The following GP9 variants were observed in gnomAD, a reference collection of about 807,000 sequenced individuals.
The protein encoded by GP9 is glycoprotein IX platelet.
For synonymous variants in GP9, 116 were observed against 116.7 expected (o/e 0.99, Z 0.04); for missense variants, 228 against 241.8 (o/e 0.94, Z 0.38).
chr3:129,061,899 C>T lies in GP9; in HGVS notation c.160C>T (p.Arg54Cys), dbSNP rs775994327. The T allele has an allele frequency of 6.8e-6, 11 of 1,613,500 alleles. No homozygotes were observed. Among genetic ancestry groups the T allele is most frequent in the East Asian group, 2.2e-5 (1 of 44,874 alleles). ...TALPALPART[R>C]HLLLANNSLQ... ...CCTGCCTGCCCTGCCGGCCCGCACC[C>T]GCCACCTTCTGCTGGCCAACAACAG... The change falls in exon 3 of 3, where the codon CGC becomes TGC. Residue 54 changes from arginine to cysteine, a missense_variant. By Grantham distance (180) the Arg-to-Cys change is radical (BLOSUM62 -3). Coordinates refer to ENST00000307395, the MANE Select transcript of GP9 (RefSeq NM_000174.5).
upstream of GP9, among the ~76,000 whole-genome samples, chr3:129,058,134 G>A (rs1451610425): frequency 6.6e-6 from 1 of 152,132 alleles, no homozygotes; most frequent in Non-Finnish European, 1.5e-5. Context: ...GAGCCACCGC[G>A]CCTGGTCTGG....
Position 129,062,188 on chromosome 3 carries a change from G to A in GP9, c.449G>A (p.Trp150Ter). Residue 150 changes from tryptophan (W) to a stop codon, truncating the protein, a stop_gained, in exon 3 of 3, where the codon TGG (tryptophan) becomes TAG (stop). Coordinates refer to ENST00000307395, the MANE Select transcript of GP9 (RefSeq NM_000174.5). LOFTEE classifies it low-confidence loss of function (END_TRUNC). ...QASWVRPGVL[W>*]DVALVAVAAL... ...TCCTGGGTGCGCCCGGGGGTCTTGTGGGACGTGGCGCTGGTCGCCGTGGCC... is the reference window on the plus strand; with the variant it reads ...TCCTGGGTGCGCCCGGGGGTCTTGTAGGACGTGGCGCTGGTCGCCGTGGCC... 6.4e-7 allele frequency: 1 copy of A among 1,572,498 alleles called. No homozygotes were observed. The highest frequency in any genetic ancestry group is 8.6e-7 in the Non-Finnish European group (1 of 1,163,450).
intron 2 of GP9, 44 bp downstream of exon 2, chr3:129,061,663 T>C (rs1406010751): frequency 8.0e-7 from 1 of 1,250,556 alleles, no homozygotes; most frequent in Non-Finnish European, 1.1e-6. Flanking sequence ...ACATCCCCAG[T>C]GCTTGCCGTC....
upstream of GP9, among the ~76,000 whole-genome samples, chr3:129,058,969 G>A (rs985317357): frequency 6.6e-6 from 1 of 152,224 alleles, no homozygotes; most frequent in African/African-American, 2.4e-5. Context: ...CCTCTCTGGA[G>A]GCTCTGGGAG....
chr3:129,061,671 G>A (rs756744791), intron 2 of GP9, 52 bp downstream of exon 2: 29 of 1,345,986 alleles, frequency 2.2e-5, no homozygotes, highest in East Asian at 9.7e-5. Context: ...AGTGCTTGCC[G>A]TCCCTGAGGA....
At chr3:129,060,037 T>C (rs1239392955), upstream of GP9, among the ~76,000 whole-genome samples, 1 of 152,216 alleles carries the variant, frequency 6.6e-6, no homozygotes, top group African/African-American at 2.4e-5. Context: ...CACTGCCACC[T>C]CTGCCTCCTG....
chr3:129,057,540 G>A (rs565800155), upstream of GP9, among the ~76,000 whole-genome samples: 1 of 152,320 alleles, frequency 6.6e-6, no homozygotes, highest in South Asian at 2.1e-4. Context: ...CAAGCTACAG[G>A]GGGGCCTGTA....
At chr3:129,058,333 C>T (rs548760438), upstream of GP9, among the ~76,000 whole-genome samples, 1 of 152,252 alleles carries the variant, frequency 6.6e-6, no homozygotes, top group South Asian at 2.1e-4. Context: ...CATTTATTTT[C>T]TCATTCTTCA....
intron 1 of GP9, among the ~76,000 whole-genome samples, chr3:129,061,081 G>A (rs1405513939): frequency 6.6e-6 from 1 of 152,192 alleles, no homozygotes; most frequent in Non-Finnish European, 1.5e-5. Context: ...CCAAACAGAG[G>A]GCCACGGTTG....
upstream of GP9, among the ~76,000 whole-genome samples, chr3:129,059,986 C>T (rs1171696418): frequency 6.6e-6 from 1 of 152,210 alleles, no homozygotes; most frequent in Non-Finnish European, 1.5e-5. Context: ...CGGAGTCTCG[C>T]TCTGTCACCC....
upstream of GP9, among the ~76,000 whole-genome samples, chr3:129,056,964 G>T (rs1485447601): frequency 6.6e-6 from 1 of 152,206 alleles, no homozygotes; most frequent in African/African-American, 2.4e-5. Context: ...CATGGAGCAG[G>T]AGTGTAGTGA....
chr3:129,056,171 G>A (rs1328460985), upstream of GP9, among the ~76,000 whole-genome samples: 1 of 152,234 alleles, frequency 6.6e-6, no homozygotes, highest in Non-Finnish European at 1.5e-5. Flanking sequence ...GAGCAAGTAA[G>A]TAGCAAAACC....
upstream of GP9, among the ~76,000 whole-genome samples, chr3:129,056,321 C>T (rs1302697545): frequency 6.6e-6 from 1 of 152,200 alleles, no homozygotes; most frequent in Non-Finnish European, 1.5e-5. Flanking sequence ...TACCCATTTC[C>T]TGTTGGTTGC....
rs1399054009 is a variant in GP9 at position 129,061,638 on chromosome 3, A to G, written c.-13+19A>G. ...AAGGGAGGTGAGTGCACCCCGTCCC[A>G]TGTCAGGCTCCGCTACATCCCCAGT... On this transcript the variant is annotated intron_variant, in intron 2 of 2. Transcript: ENST00000307395. 1.0e-6 allele frequency: 1 copy of G among 987,062 alleles called. No individual in the cohort carries two copies. Among genetic ancestry groups the G allele is most frequent in the Non-Finnish European group, 1.6e-6 (1 of 644,524 alleles). The allele number at this position is 987,062 out of a possible 1,614,324, so 61.1% of individuals were successfully genotyped here.
At position 129,062,189 on chromosome 3, in the gene GP9, G is replaced by T; in HGVS notation, c.450G>T (p.Trp150Cys). 1 of 1,572,722 alleles carries T rather than the reference G, an allele frequency of 6.4e-7. No homozygotes were observed. Among genetic ancestry groups the T allele is most frequent in the East Asian group, 2.3e-5 (1 of 42,982 alleles). ...CCTGGGTGCGCCCGGGGGTCTTGTGGGACGTGGCGCTGGTCGCCGTGGCCG... is the reference window on the plus strand; with the variant it reads ...CCTGGGTGCGCCCGGGGGTCTTGTGTGACGTGGCGCTGGTCGCCGTGGCCG... Reference protein sequence around the residue: ...QASWVRPGVLWDVALVAVAAL... With the variant: ...QASWVRPGVLCDVALVAVAAL... Residue 150 changes from tryptophan (W) to cysteine (C), a missense_variant, in exon 3 of 3, where the codon TGG (tryptophan) becomes TGT (cysteine). Transcript: ENST00000307395.
chr3:129,057,183 G>C (rs1030541747), upstream of GP9, among the ~76,000 whole-genome samples: 1 of 152,208 alleles, frequency 6.6e-6, no homozygotes, highest in Non-Finnish European at 1.5e-5. Flanking sequence ...TCAATGGGAG[G>C]AGACATTTAA....
At chr3:129,057,321 G>C (rs1946530164), upstream of GP9, among the ~76,000 whole-genome samples, 1 of 152,234 alleles carries the variant, frequency 6.6e-6, no homozygotes, top group Non-Finnish European at 1.5e-5. Context: ...TTGAGGAGGG[G>C]TCATCTGAAT....
At chr3:129,058,529 G>A (rs557644413), upstream of GP9, among the ~76,000 whole-genome samples, 76 of 152,282 alleles carry the variant, frequency 5.0e-4, no homozygotes, top group African/African-American at 1.3e-3. Context: ...GAAAGCAACC[G>A]CTAGTTGCCC....
At chr3:129,057,547 T>C (rs1473914129), upstream of GP9, among the ~76,000 whole-genome samples, 1 of 152,194 alleles carries the variant, frequency 6.6e-6, no homozygotes, top group Non-Finnish European at 1.5e-5. Flanking sequence ...CAGGGGGGCC[T>C]GTAGCTTCCT....
Sources: allele counts gnomAD v4.1 joint callset (sites outside exome capture counted in the v4.1 genomes callset), GRCh38; gene constraint gnomAD v4.1.1; transcripts MANE v1.5; gene names NCBI Gene and HGNC (gene_info 2026-07-23, HGNC 2026-07-21).